Variants in PARP16 observed in about 807,000 individuals in gnomAD.
The protein encoded by PARP16 is poly(ADP-ribose) polymerase family member 16, also known as protein mono-ADP-ribosyltransferase PARP16.
A neutral mutation model predicts 35.0 loss-of-function variants in PARP16; 31 were observed. The ratio of observed to expected loss-of-function variants is 0.88; its 90% CI spans 0.66 to 1.19. The LOEUF (loss-of-function observed/expected upper bound fraction) is 1.19. Ranked by LOEUF, PARP16 falls within the 50% of genes most tolerant of loss-of-function variation. The pLI, the probability that PARP16 is intolerant of heterozygous loss-of-function variation, is 0.00. For missense variants in PARP16, 424 were observed against 411.2 expected (o/e 1.03, Z -0.27); for synonymous variants, 162 against 169.5 (o/e 0.96, Z 0.34).
chr15:65,267,414 C>T (rs1257952949), intron 2 of PARP16, among the ~76,000 whole-genome samples: 1 of 151,438 alleles, frequency 6.6e-6, no homozygotes, highest in Non-Finnish European at 1.5e-5. Flanking sequence ...AAGACCATCC[C>T]AGCTAACACG....
At chr15:65,236,380 T>C (rs900843705) in intron 3 of PARP16, among the ~76,000 whole-genome samples, 1 of 152,252 alleles carries the variant, frequency 6.6e-6, no homozygotes, top group African/African-American at 2.4e-5. Context: ...ATATGACACA[T>C]TTTTATGACC....
chr15:65,238,810 C>T (rs1412941084), intron 3 of PARP16, among the ~76,000 whole-genome samples: 2 of 152,146 alleles, frequency 1.3e-5, no homozygotes, highest in Non-Finnish European at 2.9e-5. Flanking sequence ...TTGACATATA[C>T]CCATGAAAGC....
downstream of PARP16, among the ~76,000 whole-genome samples, chr15:65,254,564 GGAGA>G (rs1253798098): frequency 6.6e-6 from 1 of 152,076 alleles, no homozygotes; most frequent in African/African-American, 2.4e-5. Context: ...AGGGGAGCGG[GGAGA>G]GAGACAAGTG....
At chr15:65,272,264 G>C (rs2140922046) in intron 1 of PARP16, among the ~76,000 whole-genome samples, 1 of 152,288 alleles carries the variant, frequency 6.6e-6, no homozygotes, top group Non-Finnish European at 1.5e-5. Context: ...ATGTCCCGTG[G>C]GACCTGTGAT....
intron 1 of PARP16, among the ~76,000 whole-genome samples, chr15:65,271,494 C>T (rs537975757): frequency 2.6e-5 from 4 of 152,150 alleles, no homozygotes; most frequent in South Asian, 4.2e-4. Context: ...AGCCTGGTCT[C>T]GAGCTCCTGA....
At chr15:65,278,979 A>C (rs1030159425) in intron 1 of PARP16, among the ~76,000 whole-genome samples, 2 of 152,162 alleles carry the variant, frequency 1.3e-5, no homozygotes, top group Non-Finnish European at 2.9e-5. Flanking sequence ...CCACAGGTAC[A>C]ATTTGCTTTG....
intron 1 of PARP16, among the ~76,000 whole-genome samples, chr15:65,278,079 G>T (rs1470247682): frequency 1.3e-5 from 2 of 152,204 alleles, no homozygotes; most frequent in South Asian, 2.1e-4. Flanking sequence ...CAGATGGGCA[G>T]AGAAGTGAGC....
rs764118933 is a variant in PARP16 at position 65,286,474 on chromosome 15, G to A, written c.-48C>T. 3.7e-6 allele frequency: 5 copies of A among 1,354,036 alleles called. No homozygotes were observed. In the East Asian group the frequency reaches 1.5e-4, roughly 40 times the overall value. 83.9% of individuals were successfully genotyped at this position (1,354,036 alleles called of 1,614,324 possible). On this transcript the variant is annotated 5_prime_UTR_variant, in exon 1 of 6. Coordinates refer to ENST00000649807, the MANE Select transcript of PARP16 (RefSeq NM_001316943.2). The stretch of plus-strand genomic sequence containing the variant: ...GGGTAGACGCGCTGGTTAGGGGCAA[G>A]GGCGAGCGTGCGTTCAGCGCGGGGG...
At chr15:65,257,371 T>A (rs1345125948), downstream of PARP16, among the ~76,000 whole-genome samples, 1 of 151,114 alleles carries the variant, frequency 6.6e-6, no homozygotes, top group Admixed American at 6.6e-5. Flanking sequence ...GAGCCAGAGG[T>A]TGCAATGAGC....
intron 3 of PARP16, among the ~76,000 whole-genome samples, chr15:65,239,424 T>TAAAAAAAAAAAAAAAAAAAAAAAAAA (rs758350761): frequency 1.4e-4 from 1 of 6,960 alleles, no homozygotes; most frequent in African/African-American, 6.2e-4. Context: ...AGACTTTGCC[T>TAAAAAAAAAAAAAAAAAAAAAAAAAA]AAAAAAAAAA....
At position 65,286,725 on chromosome 15, in the gene PARP16, C is replaced by T; in HGVS notation, c.-299G>A. On this transcript the variant is annotated 5_prime_UTR_variant, in exon 1 of 6. Transcript: ENST00000649807. ...TGGGGCTGGTGGGGGGGAGGGGTTCCCGGCCTAGGGGAAGGGCTATGACAA... is the reference window on the plus strand; with the variant it reads ...TGGGGCTGGTGGGGGGGAGGGGTTCTCGGCCTAGGGGAAGGGCTATGACAA... 2.6e-6 allele frequency: 1 copy of T among 385,320 alleles called. No homozygotes were observed. The allele number at this position is 385,320 out of a possible 1,614,324, so 23.9% of individuals were successfully genotyped here.
At chr15:65,232,231 A>C (rs577754387), downstream of PARP16, among the ~76,000 whole-genome samples, 3 of 152,164 alleles carry the variant, frequency 2.0e-5, no homozygotes, top group Non-Finnish European at 2.9e-5. Flanking sequence ...TGGTGTTTAT[A>C]TCTAGCTCAC....
chr15:65,266,646 T>G lies in PARP16; in HGVS notation c.435A>C (p.Arg145=). The G allele has an allele frequency of 6.2e-7, 1 of 1,614,152 alleles. No homozygotes were observed. ...TACCATGAAATGCATAGATTAGGTC[T>G]CGTTCTCCTTTGGTCTCATAAAATT... The part of the protein sequence containing the change: ...NAKFYETKGE[R]DLIYAFHGSR... Residue 145 remains arginine, a synonymous_variant, in exon 3 of 6, where the codon CGA becomes CGC. Transcript: ENST00000649807.
intron 3 of PARP16, among the ~76,000 whole-genome samples, chr15:65,241,721 T>C (rs944919367): frequency 1.3e-5 from 2 of 152,196 alleles, no homozygotes; most frequent in Non-Finnish European, 2.9e-5. Flanking sequence ...TATATTTTTA[T>C]GTATTCTAGA....
At chr15:65,268,513 C>G (rs1475290247) in intron 2 of PARP16, among the ~76,000 whole-genome samples, 1 of 152,090 alleles carries the variant, frequency 6.6e-6, no homozygotes, top group African/African-American at 2.4e-5. Context: ...TGGTGTGATC[C>G]TAGCTCATCG....
chr15:65,267,389 TGAGGTCAGGA>T (rs962202992), intron 2 of PARP16, among the ~76,000 whole-genome samples: 18 of 151,814 alleles, frequency 1.2e-4, no homozygotes, highest in African/African-American at 4.1e-4. Flanking sequence ...AGGCGGATCA[TGAGGTCAGGA>T]GATCAAGACC....
At chr15:65,280,016 A>G (rs1481485109) in intron 1 of PARP16, among the ~76,000 whole-genome samples, 4 of 152,052 alleles carry the variant, frequency 2.6e-5, no homozygotes, top group African/African-American at 9.7e-5. Flanking sequence ...TAGACCAGCT[A>G]GGCAACATAG....
At chr15:65,233,085 G>A (rs914639967), downstream of PARP16, among the ~76,000 whole-genome samples, 1 of 152,202 alleles carries the variant, frequency 6.6e-6, no homozygotes. Context: ...TTGCTGTACA[G>A]TATTGTGCTT....
In PARP16 at chr15:65,259,365, A is replaced by C; in HGVS notation, c.*42T>G. ...AGGAGGTACAGAACAAGTTACCATAAGGCACATAGTTGAGGTAGCCCCCAC... is the reference window on the plus strand; with the variant it reads ...AGGAGGTACAGAACAAGTTACCATACGGCACATAGTTGAGGTAGCCCCCAC... On this transcript the variant is annotated 3_prime_UTR_variant, in exon 6 of 6. Transcript: ENST00000649807. 6.2e-7 allele frequency: 1 copy of C among 1,608,336 alleles called. No homozygotes were observed. Among genetic ancestry groups the C allele is most frequent in the South Asian group, 1.1e-5 (1 of 90,836 alleles).
Sources: gnomAD v4.1 joint callset for allele counts (sites outside exome capture counted in the v4.1 genomes callset) on GRCh38, gnomAD v4.1.1 for gene constraint, MANE v1.5 for transcripts, NCBI Gene and HGNC (gene_info 2026-07-23, HGNC 2026-07-21) for gene names.